RYR2: variants seen among roughly 807,000 people sequenced by gnomAD.
The protein encoded by RYR2 is cardiac muscle ryanodine receptor-calcium release channel.
A neutral mutation model predicts 601.1 loss-of-function variants in RYR2; 227 were observed. The observed-to-expected ratio is 0.38, with a 90% CI of 0.34 to 0.42. The LOEUF is 0.42. Ranked by LOEUF, RYR2 falls within the 10% of genes least tolerant of loss-of-function variation. RYR2 has a pLI of 1.00. For synonymous variants in RYR2, 2,223 were observed against 2,175.1 expected (o/e 1.02, Z -0.61); for missense variants, 4,646 against 6,156.5 (o/e 0.75, Z 8.21).
chr1:237,687,235 G>T (rs569841547), intron 62 of RYR2, among the ~76,000 whole-genome samples: 87 of 151,888 alleles, frequency 5.7e-4, no homozygotes, highest in African/African-American at 1.2e-3. Context: ...TTGTTAAAGA[G>T]ATGCACTCAA....
At chr1:237,068,291 A>C (rs1015826599) in intron 1 of RYR2, among the ~76,000 whole-genome samples, 1 of 152,190 alleles carries the variant, frequency 6.6e-6, no homozygotes, top group African/African-American at 2.4e-5. Flanking sequence ...CCAGATTATC[A>C]GTAAACAACA....
chr1:237,787,489 G>T (rs1657745678), intron 91 of RYR2, among the ~76,000 whole-genome samples: 1 of 150,744 alleles, frequency 6.6e-6, no homozygotes, highest in Non-Finnish European at 1.5e-5. Context: ...CTACTTGGAA[G>T]ACTGAGGCAG....
intron 1 of RYR2, among the ~76,000 whole-genome samples, chr1:237,075,568 C>G (rs1194335989): frequency 1.3e-5 from 1 of 74,676 alleles, no homozygotes; most frequent in African/African-American, 5.2e-5. Context: ...CTTTTCAGAC[C>G]GGCTTAAGAA....
rs386370106 is a variant in RYR2 at position 237,262,245 on chromosome 1, G to GTTTT, written c.49-8228_49-8225dup. On this transcript the variant is annotated intron_variant, in intron 1 of 104. Transcript: ENST00000366574. ...AAATATTAGATCTCTGTTCTAAAGA[G>GTTTT]TTTTTTTTTTTTTTTTTTTTTTTTT... 2.7e-3 allele frequency among the ~76,000 whole-genome samples: 165 copies of GTTTT among 61,098 alleles called. 17 individuals are homozygous for GTTTT. Among genetic ancestry groups the GTTTT allele is most frequent in the African/African-American group, 6.5e-3 (108 of 16,596 alleles). The allele number at this position is 61,098 out of a possible 152,430, so 40.1% of individuals were successfully genotyped here.
intron 63 of RYR2, among the ~76,000 whole-genome samples, chr1:237,693,865 T>G (rs2148996953): frequency 6.6e-6 from 1 of 152,266 alleles, no homozygotes; most frequent in Admixed American, 6.5e-5. Flanking sequence ...TTCTAATATC[T>G]CTCCCAAAAA....
intron 37 of RYR2, among the ~76,000 whole-genome samples, 173 bp downstream of exon 37, chr1:237,615,016 A>G (rs1383777760): frequency 6.6e-6 from 1 of 152,110 alleles, no homozygotes; most frequent in Non-Finnish European, 1.5e-5. Flanking sequence ...TTCATTAGCC[A>G]TCTCCTCTTG....
At chr1:237,286,267 C>T (rs577431054) in intron 2 of RYR2, among the ~76,000 whole-genome samples, 1 of 151,990 alleles carries the variant, frequency 6.6e-6, no homozygotes, top group South Asian at 2.1e-4. Flanking sequence ...ATCTTGGTTT[C>T]GTTTTTGACC....
intron 16 of RYR2, among the ~76,000 whole-genome samples, chr1:237,459,321 A>G (rs1659202168): frequency 6.6e-6 from 1 of 152,152 alleles, no homozygotes; most frequent in African/African-American, 2.4e-5. Flanking sequence ...GCATTGGCTC[A>G]TGTGTGTAGT....
At chr1:237,506,495 G>C (rs565300848) in intron 22 of RYR2, among the ~76,000 whole-genome samples, 13 of 150,950 alleles carry the variant, frequency 8.6e-5, no homozygotes, top group Non-Finnish European at 1.3e-4. Context: ...CAGAGATCGC[G>C]CCACTGCACT....
chr1:237,288,493 T>C (rs1248494002), intron 2 of RYR2, among the ~76,000 whole-genome samples: 1 of 150,680 alleles, frequency 6.6e-6, no homozygotes, highest in Non-Finnish European at 1.5e-5. Flanking sequence ...CTGCAGCTGC[T>C]CTCGGGGGTG....
At chr1:237,679,315 A>G (rs867293158) in intron 61 of RYR2, among the ~76,000 whole-genome samples, 23 of 152,206 alleles carry the variant, frequency 1.5e-4, no homozygotes, top group Admixed American at 3.3e-4. Flanking sequence ...TACTAAGTCT[A>G]TAATTCATTC....
In RYR2 at chr1:237,832,213, GT is replaced by G. The variant is rs747564786; in HGVS notation, c.14809-326del. 9.2e-3 allele frequency among the ~76,000 whole-genome samples: 1,314 copies of G among 143,500 alleles called. 18 individuals are homozygous for G. The highest frequency in any genetic ancestry group is 0.03 in the African/African-American group (1,153 of 39,032). 94.1% of individuals were successfully genotyped at this position (143,500 alleles called of 152,430 possible). A position where few individuals can be genotyped will look rare whatever the true frequency, so the allele number is the denominator to read the frequency against. Reference sequence around the variant, plus strand: ...ACCACCACACCTGGCTTTTTTTTGTGTTTTTTTTTTTTTAATTTTAGTACAG... The same window carrying G: ...ACCACCACACCTGGCTTTTTTTTGTGTTTTTTTTTTTTAATTTTAGTACAG... On this transcript the variant is annotated intron_variant, in intron 104 of 104. Coordinates refer to ENST00000366574, the MANE Select transcript of RYR2 (RefSeq NM_001035.3).
rs185259364 is a variant in RYR2, at chr1:237,145,222, T to C, written c.48+102653T>C. 5.6e-3 allele frequency among the ~76,000 whole-genome samples: 778 copies of C among 139,296 alleles called. 5 individuals carry two copies. Among genetic ancestry groups the C allele is most frequent in the African/African-American group, 0.019 (731 of 37,876 alleles). The allele number at this position is 139,296 out of a possible 152,430, so 91.4% of individuals were successfully genotyped here. On this transcript the variant is annotated intron_variant, in intron 1 of 104. Coordinates refer to ENST00000366574, the MANE Select transcript of RYR2 (RefSeq NM_001035.3). Reference sequence around the variant, plus strand: ...TACCCCAGAACTTAAAGTATAATAATAAAAAAAAAAAGAAAAAAAGAAAAA... The same window carrying C: ...TACCCCAGAACTTAAAGTATAATAACAAAAAAAAAAAGAAAAAAAGAAAAA...
intron 16 of RYR2, among the ~76,000 whole-genome samples, chr1:237,457,284 G>A (rs1434158774): frequency 6.6e-6 from 1 of 151,984 alleles, no homozygotes; most frequent in Non-Finnish European, 1.5e-5. Flanking sequence ...TCTCTGTTTG[G>A]CAACTTCTAA....
chr1:237,144,287 C>G (rs146252313), intron 1 of RYR2, among the ~76,000 whole-genome samples: 76 of 152,270 alleles, frequency 5.0e-4, no homozygotes, highest in Admixed American at 5.2e-4. Flanking sequence ...AGAAAGAGGA[C>G]TCGACAGCAC....
intron 46 of RYR2, 82 bp from the exon 47 acceptor site, chr1:237,640,815 C>G (rs1283237486): frequency 1.8e-6 from 2 of 1,120,958 alleles, no homozygotes; most frequent in Non-Finnish European, 2.6e-6. Flanking sequence ...CTAGTAGTCC[C>G]TTTCCTCGGA....
At chr1:237,350,591 A>T (rs1571929198) in intron 3 of RYR2, among the ~76,000 whole-genome samples, 3 of 98,556 alleles carry the variant, frequency 3.0e-5, no homozygotes, top group African/African-American at 1.2e-4. Context: ...AAAAAAAAAA[A>T]AAAAAAAAAA....
At chr1:237,504,992 G>A (rs993548870) in intron 22 of RYR2, among the ~76,000 whole-genome samples, 19 of 152,192 alleles carry the variant, frequency 1.2e-4, no homozygotes, top group African/African-American at 4.6e-4. Context: ...TGCCGTATAG[G>A]AAACATGGAG....
intron 2 of RYR2, among the ~76,000 whole-genome samples, chr1:237,328,887 C>A (rs1392734752): frequency 6.6e-6 from 1 of 152,112 alleles, no homozygotes; most frequent in African/African-American, 2.4e-5. Context: ...TCCCAGTGTT[C>A]TTTTTATGAA....
Sources: gnomAD v4.1 joint callset for allele counts (sites outside exome capture counted in the v4.1 genomes callset) on GRCh38, gnomAD v4.1.1 for gene constraint, MANE v1.5 for transcripts, NCBI Gene and HGNC (gene_info 2026-07-23, HGNC 2026-07-21) for gene names.